Variants in EDAR observed in about 807,000 individuals in gnomAD.
The protein encoded by EDAR is ectodysplasin A receptor.
A neutral mutation model predicts 51.3 loss-of-function variants in EDAR; 38 were observed. The observed-to-expected ratio is 0.74, with a 90% CI of 0.57 to 0.97. The LOEUF (loss-of-function observed/expected upper bound fraction) is 0.97, where lower values mean the gene tolerates loss of function less well. EDAR is among the 50% of genes least tolerant of loss of function. The pLI is 0.00. For synonymous variants in EDAR, 227 were observed against 242.1 expected (o/e 0.94, Z 0.58); for missense variants, 528 against 595.0 (o/e 0.89, Z 1.17).
chr2:108,954,497 A>C (rs547429336), intron 1 of EDAR, among the ~76,000 whole-genome samples: 1 of 152,034 alleles, frequency 6.6e-6, no homozygotes, highest in South Asian at 2.1e-4. Flanking sequence ...AAGGCTCCCC[A>C]CCCACTCTCC....
chr2:108,916,757 G>C (rs1697036163), intron 5 of EDAR, among the ~76,000 whole-genome samples: 1 of 152,158 alleles, frequency 6.6e-6, no homozygotes, highest in Non-Finnish European at 1.5e-5. Flanking sequence ...TTTCTCCAGA[G>C]CTCAGCCTCT....
intron 1 of EDAR, among the ~76,000 whole-genome samples, chr2:108,944,862 G>A (rs573764539): frequency 1.5e-4 from 23 of 152,172 alleles, no homozygotes; most frequent in Admixed American, 2.6e-4. Flanking sequence ...AGCTATGGTC[G>A]CCGCCACCTG....
intron 9 of EDAR, among the ~76,000 whole-genome samples, chr2:108,909,363 G>A (rs1213138695): frequency 6.6e-6 from 1 of 152,006 alleles, no homozygotes; most frequent in Non-Finnish European, 1.5e-5. Flanking sequence ...TCCTGCCCTT[G>A]GTCCTGGGAG....
intron 1 of EDAR, among the ~76,000 whole-genome samples, chr2:108,964,617 G>A (rs903420510): frequency 1.3e-5 from 2 of 152,326 alleles, no homozygotes; most frequent in East Asian, 1.9e-4. Flanking sequence ...AAAGAACTAG[G>A]TTTCTCTGAG....
rs1453154832 is a variant in EDAR at position 108,923,384 on chromosome 2, G to T, written c.426C>A (p.Pro142=). 17 of 1,614,168 alleles carry T rather than the reference G, an allele frequency of 1.1e-5. No individual in the cohort carries two copies. Among genetic ancestry groups the T allele is most frequent in the Non-Finnish European group, 1.4e-5 (17 of 1,179,990 alleles). ...GACACTCACATTCCTTGGTGTTGGG[G>T]GGTGCCAGGAGGCAGGAGTAGCAGA... ...GMVCYSCLLA[P]PNTKECVGAT... is the part of the protein sequence containing the mutation. Residue 142 remains proline, a synonymous_variant, in exon 5 of 12, where the codon CCC becomes CCA. Coordinates refer to ENST00000258443, the MANE Select transcript of EDAR (RefSeq NM_022336.4).
intron 1 of EDAR, among the ~76,000 whole-genome samples, chr2:108,959,293 C>T (rs2104396716): frequency 6.6e-6 from 1 of 152,318 alleles, no homozygotes; most frequent in South Asian, 2.1e-4. Context: ...TCTGGGAACT[C>T]TTACAGCCTG....
intron 1 of EDAR, among the ~76,000 whole-genome samples, chr2:108,943,193 C>G (rs1258248358): frequency 6.6e-6 from 1 of 152,156 alleles, no homozygotes; most frequent in Non-Finnish European, 1.5e-5. Flanking sequence ...TCGTCATTCT[C>G]TTTTCAAGTA....
chr2:108,921,354 C>G (rs1203102279), intron 5 of EDAR, among the ~76,000 whole-genome samples: 1 of 152,160 alleles, frequency 6.6e-6, no homozygotes, highest in Non-Finnish European at 1.5e-5. Flanking sequence ...GCCAGGGGCC[C>G]TTGGCAAGTC....
intron 1 of EDAR, among the ~76,000 whole-genome samples, chr2:108,980,651 G>A (rs1389359293): frequency 6.6e-6 from 1 of 152,082 alleles, no homozygotes; most frequent in Non-Finnish European, 1.5e-5. Context: ...GGCCAGGGAG[G>A]GTTTCTCTGA....
chr2:108,981,786 G>T (rs1035173501), intron 1 of EDAR, among the ~76,000 whole-genome samples: 18 of 152,204 alleles, frequency 1.2e-4, no homozygotes, highest in African/African-American at 4.1e-4. Flanking sequence ...CAGGAGGGAG[G>T]TCTCAGGCAA....
At chr2:108,917,353 G>A (rs927912343) in intron 5 of EDAR, among the ~76,000 whole-genome samples, 2 of 152,138 alleles carry the variant, frequency 1.3e-5, no homozygotes, top group Non-Finnish European at 2.9e-5. Context: ...ACGCTGCAGG[G>A]TGACTACAGC....
intron 11 of EDAR, among the ~76,000 whole-genome samples, chr2:108,898,982 GA>G (rs1381465420): frequency 6.6e-6 from 1 of 152,180 alleles, no homozygotes; most frequent in African/African-American, 2.4e-5. Flanking sequence ...AAGGAGAGGA[GA>G]AGAGAGTGGG....
At chr2:108,942,980 A>G (rs1347458008) in intron 1 of EDAR, among the ~76,000 whole-genome samples, 1 of 152,218 alleles carries the variant, frequency 6.6e-6, no homozygotes, top group East Asian at 1.9e-4. Context: ...ACGTGCAGGT[A>G]ACCCGGCACA....
intron 5 of EDAR, among the ~76,000 whole-genome samples, chr2:108,923,008 T>C (rs573888863): frequency 1.5e-4 from 23 of 152,218 alleles, no homozygotes; most frequent in Non-Finnish European, 3.2e-4. Context: ...TGCAAAATAG[T>C]AGTACTTTGC....
intron 1 of EDAR, among the ~76,000 whole-genome samples, chr2:108,958,548 C>T (rs1347673827): frequency 6.6e-6 from 1 of 152,124 alleles, no homozygotes; most frequent in Non-Finnish European, 1.5e-5. Flanking sequence ...GGACCCAGGA[C>T]GCACAGTAGA....
rs3749108 is a variant in EDAR at position 108,910,783 on chromosome 2, C to T, written c.723G>A (p.Glu241=). The T allele has an allele frequency of 6.8e-3, 10,992 of 1,613,166 alleles. 84 individuals carry two copies. The highest frequency in any genetic ancestry group is 0.03 in the East Asian group (1,361 of 44,830). The change falls in exon 8 of 12, where the codon GAG becomes GAA. Residue 241 remains glutamate (E), a synonymous_variant. Coordinates refer to ENST00000258443, the MANE Select transcript of EDAR (RefSeq NM_022336.4). ...AQVSKDEEKK[E]APDNVVMFSE... The stretch of plus-strand genomic sequence containing the variant: ...AAGCCCTGGTTCACAGACCTGGGGC[C>T]TCTTTCTTCTCCTCGTCCTTGCTCA...
chr2:108,952,237 G>A (rs148170065), intron 1 of EDAR, among the ~76,000 whole-genome samples: 1 of 152,302 alleles, frequency 6.6e-6, no homozygotes, highest in Non-Finnish European at 1.5e-5. Flanking sequence ...AGGTGCTGGG[G>A]CAGCTTGTTG....
At chr2:108,962,621 G>A (rs1205899615) in intron 1 of EDAR, among the ~76,000 whole-genome samples, 2 of 144,352 alleles carry the variant, frequency 1.4e-5, no homozygotes, top group African/African-American at 5.2e-5. Context: ...CTTGCAGAGA[G>A]CCGAGATCGC....
intron 5 of EDAR, among the ~76,000 whole-genome samples, chr2:108,913,613 T>C (rs1352575525): frequency 6.6e-6 from 1 of 151,924 alleles, no homozygotes; most frequent in Non-Finnish European, 1.5e-5. Flanking sequence ...AGCTTCTTGA[T>C]TTATACATAT....
Sources: gnomAD v4.1 joint callset for allele counts (sites outside exome capture counted in the v4.1 genomes callset) on GRCh38, gnomAD v4.1.1 for gene constraint, MANE v1.5 for transcripts, NCBI Gene and HGNC (gene_info 2026-07-23, HGNC 2026-07-21) for gene names.